Variants in WDR7 observed in about 807,000 individuals in gnomAD.
WDR7 encodes the protein WD repeat domain 7.
In WDR7, 46 loss-of-function variants were observed where a neutral mutation model predicts 169.4. The observed-to-expected ratio is 0.27, with a 90% CI of 0.21 to 0.35. WDR7 has a LOEUF of 0.35. Among genes scored for constraint, WDR7 ranks in the 10% least tolerant of loss-of-function variants. WDR7 has a pLI of 1.00. For synonymous variants in WDR7, 612 were observed against 666.8 expected, an observed-to-expected ratio of 0.92 and a Z score of 1.27; for missense variants, 1,534 against 1,859.3, an observed-to-expected ratio of 0.83 and a Z score of 3.22.
At chr18:56,845,223 G>T (rs2045550417) in intron 20 of WDR7, among the ~76,000 whole-genome samples, 1 of 151,998 alleles carries the variant, frequency 6.6e-6, no homozygotes, top group African/African-American at 2.4e-5. Context: ...CTAACCAAAA[G>T]ATTTTCTCTT....
At position 56,988,590 on chromosome 18, in the gene WDR7, AGTGTGTGTGTGT is replaced by A. The variant is rs71171009; in HGVS notation, c.4164+26096_4164+26107del. ...CAGAAGAAAGACCTCATGGAAGGCA[AGTGTGTGTGTGT>A]GTGTGTGTGTGTGTGTGTGTGTGTG... On this transcript the variant is annotated intron_variant, in intron 26 of 27. Coordinates refer to ENST00000254442, the MANE Select transcript of WDR7 (RefSeq NM_015285.3). 6.0e-3 allele frequency among the ~76,000 whole-genome samples: 858 copies of A among 142,678 alleles called. 10 individuals carry two copies. The highest frequency in any genetic ancestry group is 0.013 in the South Asian group (54 of 4,224). The allele number at this position is 142,678 out of a possible 152,430, so 93.6% of individuals were successfully genotyped here.
chr18:56,966,464 C>T (rs1423195572), intron 26 of WDR7, among the ~76,000 whole-genome samples: 4 of 152,096 alleles, frequency 2.6e-5, no homozygotes, highest in Admixed American at 2.6e-4. Context: ...AATAGATTTT[C>T]TCTTCCTTAT....
At chr18:56,691,524 G>A (rs1426047681) in intron 8 of WDR7, among the ~76,000 whole-genome samples, 163 bp downstream of exon 8, 2 of 152,034 alleles carry the variant, frequency 1.3e-5, no homozygotes, top group African/African-American at 4.8e-5. Context: ...TAACTTCTAA[G>A]TGCAAAAATT....
intron 14 of WDR7, among the ~76,000 whole-genome samples, chr18:56,750,882 T>G (rs2043780339): frequency 1.3e-5 from 2 of 152,212 alleles, no homozygotes; most frequent in Admixed American, 6.5e-5. Flanking sequence ...ATACCTATAT[T>G]TTGTTGTAAC....
At chr18:56,804,005 T>C (rs1599057669) in intron 19 of WDR7, among the ~76,000 whole-genome samples, 2 of 152,288 alleles carry the variant, frequency 1.3e-5, no homozygotes, top group East Asian at 3.9e-4. Context: ...GCCAAGTTGC[T>C]CAGGCAGGAC....
chr18:56,967,175 T>C lies in WDR7; in HGVS notation c.4164+4646T>C, dbSNP rs1043378057. On this transcript the variant is annotated intron_variant, in intron 26 of 27. Transcript: ENST00000254442. Reference sequence around the variant, plus strand: ...AAGGCCAGGAGTTCAGCCTGCTCAATAGGGAGCGCTTGGGTGGAAAAGTTG... The same window carrying C: ...AAGGCCAGGAGTTCAGCCTGCTCAACAGGGAGCGCTTGGGTGGAAAAGTTG... Among the ~76,000 whole-genome samples, 84 of 152,092 alleles carry C rather than the reference T, an allele frequency of 5.5e-4. 1 individual carries two copies. Among genetic ancestry groups the C allele is most frequent in the African/African-American group, 1.9e-3 (78 of 41,384 alleles).
At chr18:56,963,657 C>T (rs1669315501) in intron 26 of WDR7, among the ~76,000 whole-genome samples, 1 of 151,974 alleles carries the variant, frequency 6.6e-6, no homozygotes, top group Non-Finnish European at 1.5e-5. Context: ...GCACTATTTG[C>T]CATACTTGTT....
chr18:56,700,252 CTTTTTTTTT>C (rs1226348026), intron 12 of WDR7, among the ~76,000 whole-genome samples: 1 of 67,250 alleles, frequency 1.5e-5, no homozygotes, highest in South Asian at 6.7e-4. Flanking sequence ...TTTTCATTTT[CTTTTTTTTT>C]TTTTTTTTTT....
At chr18:56,840,592 A>G (rs777010570) in intron 20 of WDR7, among the ~76,000 whole-genome samples, 19 of 152,132 alleles carry the variant, frequency 1.2e-4, no homozygotes, top group Admixed American at 4.6e-4. Context: ...AGGTCGAGGC[A>G]GGTGGATCAT....
At chr18:56,855,276 G>A (rs1054383884) in intron 20 of WDR7, among the ~76,000 whole-genome samples, 1 of 151,584 alleles carries the variant, frequency 6.6e-6, no homozygotes, top group Non-Finnish European at 1.5e-5. Flanking sequence ...AATTGTAGAA[G>A]TTCTTTATAT....
chr18:56,656,913 T>TA (rs1482099023), intron 1 of WDR7, among the ~76,000 whole-genome samples: 1 of 152,188 alleles, frequency 6.6e-6, no homozygotes, highest in Non-Finnish European at 1.5e-5. Context: ...TTGTAGTTTA[T>TA]AAAAATACTG....
At chr18:56,695,242 T>C in intron 11 of WDR7, 44 bp downstream of exon 11, 2 of 1,577,446 alleles carry the variant, frequency 1.3e-6, no homozygotes, top group South Asian at 1.1e-5. Context: ...TTGACAACTC[T>C]TACCCAGAGA....
chr18:56,787,746 T>C (rs968771425), intron 19 of WDR7, among the ~76,000 whole-genome samples: 1 of 152,196 alleles, frequency 6.6e-6, no homozygotes, highest in Admixed American at 6.5e-5. Context: ...TTTCTGATGA[T>C]TATAAAGTAG....
chr18:57,034,873 A>G, the WDR7 span: 1 of 152,108 alleles, frequency 6.6e-6, no homozygotes, highest in Non-Finnish European at 1.5e-5. Context: ...CCTACAGCCA[A>G]ACATGAGCAG....
intron 21 of WDR7, among the ~76,000 whole-genome samples, chr18:56,916,261 T>A (rs2046623635): frequency 6.7e-6 from 1 of 150,006 alleles, no homozygotes. Context: ...ATGCTATCCC[T>A]CCCCCCTCCC....
Position 56,962,442 on chromosome 18 carries a change from C to T in WDR7, c.4077C>T (p.Val1359=). ...CFPAICRFYM[V]SYYERNHRIA... ...ATGTTCAACTCAGGTTCTACATGGT[C>T]AGCTATTATGAGCGGAATCACAGAA... Residue 1359 remains valine (V), a synonymous_variant, in exon 26 of 28, where the codon GTC becomes GTT. Transcript: ENST00000254442. 1 of 1,612,924 alleles carries T rather than the reference C, an allele frequency of 6.2e-7. No homozygotes were observed. Among genetic ancestry groups the T allele is most frequent in the Non-Finnish European group, 8.5e-7 (1 of 1,179,254 alleles).
chr18:56,947,253 C>A (rs1160126357), intron 25 of WDR7, among the ~76,000 whole-genome samples: 1 of 152,124 alleles, frequency 6.6e-6, no homozygotes, highest in Non-Finnish European at 1.5e-5. Context: ...TATAAATGAG[C>A]AGAATAGGAA....
At chr18:56,785,559 C>T (rs193169875) in intron 19 of WDR7, among the ~76,000 whole-genome samples, 1 of 152,024 alleles carries the variant, frequency 6.6e-6, no homozygotes, top group Non-Finnish European at 1.5e-5. Flanking sequence ...AACGCTCTTA[C>T]CTGAAGAGCA....
intron 14 of WDR7, among the ~76,000 whole-genome samples, chr18:56,746,716 A>G (rs544550486): frequency 2.0e-5 from 3 of 152,324 alleles, no homozygotes; most frequent in East Asian, 1.9e-4. Flanking sequence ...TTGTACTAGT[A>G]TAAGTAAGCA....
Sources: gnomAD v4.1 joint callset for allele counts (sites outside exome capture counted in the v4.1 genomes callset) on GRCh38, gnomAD v4.1.1 for gene constraint, MANE v1.5 for transcripts, NCBI Gene and HGNC (gene_info 2026-07-23, HGNC 2026-07-21) for gene names.